ITK: variants seen among roughly 807,000 people sequenced by gnomAD.
The protein encoded by ITK is IL2 inducible T cell kinase.
ITK carries 45 observed loss-of-function variants against 87.6 expected under a neutral mutation model. That is an observed-to-expected ratio of 0.51 (90% CI 0.40 to 0.66). ITK has a LOEUF of 0.66. ITK is among the 30% of genes least tolerant of loss of function. ITK has a pLI of 0.00. For missense variants in ITK, 605 were observed against 766.3 expected, an observed-to-expected ratio of 0.79 and a Z score of 2.48; for synonymous variants, 303 against 273.6, an observed-to-expected ratio of 1.11 and a Z score of -1.06.
chr5:157,203,896 A>G (rs1754024621), intron 1 of ITK, among the ~76,000 whole-genome samples: 1 of 152,224 alleles, frequency 6.6e-6, no homozygotes, highest in Admixed American at 6.5e-5. Flanking sequence ...TGCAGGGAAA[A>G]GACAAATATA....
intron 3 of ITK, chr5:157,213,456 C>G: frequency 2.6e-6 from 1 of 383,474 alleles, no homozygotes; most frequent in South Asian, 2.0e-5. Flanking sequence ...TGGCTCACTG[C>G]AGCCTCGACC....
chr5:157,189,977 G>GAGGCCTCACTAA (rs1753722603), intron 1 of ITK, among the ~76,000 whole-genome samples: 1 of 152,278 alleles, frequency 6.6e-6, no homozygotes, highest in African/African-American at 2.4e-5. Context: ...ATGACACTCA[G>GAGGCCTCACTAA]AGGCCTCACT....
At chr5:157,182,808 C>T (rs1291218129) in intron 1 of ITK, among the ~76,000 whole-genome samples, 1 of 152,080 alleles carries the variant, frequency 6.6e-6, no homozygotes, top group Non-Finnish European at 1.5e-5. Flanking sequence ...ATTAATAATT[C>T]CTTAGCCCAA....
chr5:157,222,789 G>A (rs1374475995), intron 5 of ITK, 74 bp from the exon 6 acceptor site: 1 of 1,468,874 alleles, frequency 6.8e-7, no homozygotes, highest in Non-Finnish European at 9.5e-7. Context: ...TGTCTCCCCA[G>A]ACACCCCGAT....
At chr5:157,214,341 C>T in intron 4 of ITK, 22 bp downstream of exon 4, 1 of 1,608,096 alleles carries the variant, frequency 6.2e-7, no homozygotes, top group Non-Finnish European at 8.5e-7. Flanking sequence ...GGAATTCCCT[C>T]TAGTTTTTGT....
chr5:157,197,851 A>G (rs2113744196), intron 1 of ITK, among the ~76,000 whole-genome samples: 1 of 152,350 alleles, frequency 6.6e-6, no homozygotes, highest in Non-Finnish European at 1.5e-5. Context: ...TGTAATAAAT[A>G]ATGCTTCTGT....
chr5:157,243,911 G>A, intron 12 of ITK, 117 bp downstream of exon 12: 1 of 907,684 alleles, frequency 1.1e-6, no homozygotes, highest in Non-Finnish European at 1.8e-6. Flanking sequence ...CCCAGCAGTG[G>A]CTTCCTATTG....
chr5:157,226,162 C>T (rs1331751885), intron 6 of ITK, among the ~76,000 whole-genome samples: 1 of 152,166 alleles, frequency 6.6e-6, no homozygotes, highest in Non-Finnish European at 1.5e-5. Flanking sequence ...CCATGTCATT[C>T]ACAGATGACC....
Position 157,207,377 on chromosome 5 carries a change from C to CTTTTTTTTTTT in ITK, c.139-1495_139-1485dup, listed in dbSNP as rs536290068. 1.7e-4 allele frequency among the ~76,000 whole-genome samples: 10 copies of CTTTTTTTTTTT among 59,140 alleles called. 3 individuals carry two copies. The highest frequency in any genetic ancestry group is 4.9e-4 in the Admixed American group (2 of 4,080). 38.8% of individuals were successfully genotyped at this position (59,140 alleles called of 152,430 possible). On this transcript the variant is annotated intron_variant, in intron 1 of 16. Coordinates refer to ENST00000422843, the MANE Select transcript of ITK (RefSeq NM_005546.4). ...CTTTATCACGTATCTAGATACGTCT[C>CTTTTTTTTTTT]TTTTTTTTTTTTTTTTTTTTTTTTT...
intron 1 of ITK, among the ~76,000 whole-genome samples, chr5:157,183,297 T>C (rs1400617673): frequency 6.6e-6 from 1 of 152,190 alleles, no homozygotes; most frequent in Non-Finnish European, 1.5e-5. Flanking sequence ...ACATTACACT[T>C]ATGGGAAGAA....
At chr5:157,221,516 C>A (rs1222158684) in intron 5 of ITK, among the ~76,000 whole-genome samples, 1 of 152,042 alleles carries the variant, frequency 6.6e-6, no homozygotes, top group Non-Finnish European at 1.5e-5. Context: ...GAGCATTTTG[C>A]ATTAAAGGCC....
chr5:157,222,015 G>C (rs1171969697), intron 5 of ITK, among the ~76,000 whole-genome samples: 1 of 152,044 alleles, frequency 6.6e-6, no homozygotes, highest in Non-Finnish European at 1.5e-5. Flanking sequence ...TCTGGGCTCA[G>C]CTGAGATGAC....
chr5:157,194,027 T>TA (rs1436640422), intron 1 of ITK, among the ~76,000 whole-genome samples: 1 of 152,132 alleles, frequency 6.6e-6, no homozygotes, highest in Non-Finnish European at 1.5e-5. Context: ...ACGAGGACGG[T>TA]AAGTAATTTA....
chr5:157,230,310 C>T (rs1055366213), intron 7 of ITK, among the ~76,000 whole-genome samples: 1 of 152,152 alleles, frequency 6.6e-6, no homozygotes, highest in African/African-American at 2.4e-5. Flanking sequence ...CACTATTTTA[C>T]AGCTTTTCTG....
intron 1 of ITK, among the ~76,000 whole-genome samples, chr5:157,205,073 C>T (rs935555509): frequency 1.3e-5 from 2 of 152,174 alleles, no homozygotes; most frequent in African/African-American, 2.4e-5. Context: ...AAATCTCTTG[C>T]GATAGTTAAG....
At chr5:157,207,234 C>T (rs114618454) in intron 1 of ITK, among the ~76,000 whole-genome samples, 1,946 of 152,020 alleles carry the variant, frequency 0.013, 33 homozygotes, top group African/African-American at 0.043. Context: ...TCTTAGGGTC[C>T]CTGGCTGATT....
intron 1 of ITK, among the ~76,000 whole-genome samples, chr5:157,185,222 G>A (rs1211149975): frequency 6.6e-6 from 1 of 151,308 alleles, no homozygotes; most frequent in African/African-American, 2.4e-5. Flanking sequence ...ATAATGCTGT[G>A]CAATTCTCTA....
chr5:157,186,354 C>T (rs819238), intron 1 of ITK, among the ~76,000 whole-genome samples: 14,887 of 149,866 alleles, frequency 0.099, 865 homozygotes, highest in Non-Finnish European at 0.13. Context: ...CAAGAAGCCC[C>T]GCTATGTGTC....
In ITK at chr5:157,240,092, C is replaced by T. The variant is rs1246123396; in HGVS notation, c.882C>T (p.His294=). The part of the protein sequence containing the change: ...SENNPCIKHY[H]IKETNDNPKR... ...ACAATCCCTGTATAAAGCATTATCA[C>T]ATCAAGGAAACAAATGACAATCCTA... Residue 294 remains histidine (H), a synonymous_variant, in exon 10 of 17, where the codon CAC becomes CAT. Transcript: ENST00000422843. 1 of 1,611,150 alleles carries T rather than the reference C, an allele frequency of 6.2e-7. No individual in the cohort carries two copies. Among genetic ancestry groups the T allele is most frequent in the Non-Finnish European group, 8.5e-7 (1 of 1,177,288 alleles).
Sources: gnomAD v4.1 joint callset for allele counts (sites outside exome capture counted in the v4.1 genomes callset) on GRCh38, gnomAD v4.1.1 for gene constraint, MANE v1.5 for transcripts, NCBI Gene and HGNC (gene_info 2026-07-23, HGNC 2026-07-21) for gene names.